Variants in TMEM132C observed in about 807,000 individuals in gnomAD.
TMEM132C encodes the protein protein phosphatase 1, regulatory subunit 152.
In TMEM132C, 29 loss-of-function variants were observed where a neutral mutation model predicts 61.4. That is an observed-to-expected ratio of 0.47 (90% CI 0.35 to 0.64). The LOEUF is 0.64. Ranked by LOEUF, TMEM132C falls within the 30% of genes least tolerant of loss-of-function variation. The pLI, the probability that TMEM132C is intolerant of heterozygous loss-of-function variation, is 0.00. For synonymous variants in TMEM132C, 656 were observed against 633.1 expected, an observed-to-expected ratio of 1.04 and a Z score of -0.54; for missense variants, 1,408 against 1,476.9, an observed-to-expected ratio of 0.95 and a Z score of 0.76.
chr12:128,667,465 A>G (rs1039743203), intron 4 of TMEM132C, among the ~76,000 whole-genome samples: 1 of 152,190 alleles, frequency 6.6e-6, no homozygotes, highest in Admixed American at 6.5e-5. Flanking sequence ...CAGGAATCCC[A>G]CGGACCCAGG....
At chr12:128,308,551 A>T (rs1307813012) in intron 1 of TMEM132C, among the ~76,000 whole-genome samples, 1 of 152,120 alleles carries the variant, frequency 6.6e-6, no homozygotes, top group Non-Finnish European at 1.5e-5. Context: ...GAGTGAATGG[A>T]GGAATGTTTG....
intron 1 of TMEM132C, among the ~76,000 whole-genome samples, chr12:128,327,711 A>G (rs117737894): frequency 0.014 from 2,074 of 152,150 alleles, 27 homozygotes; most frequent in Non-Finnish European, 0.023. Flanking sequence ...TTTTAGAGAG[A>G]TAGAAGGCAT....
At chr12:128,419,785 A>G (rs965705413) in intron 2 of TMEM132C, among the ~76,000 whole-genome samples, 78 of 152,190 alleles carry the variant, frequency 5.1e-4, no homozygotes, top group African/African-American at 1.8e-3. Flanking sequence ...TATTGACTCA[A>G]TTAATGTGTA....
Position 128,378,139 on chromosome 12 carries a change from G to C in TMEM132C, c.86-36593G>C, listed in dbSNP as rs562754574. On this transcript the variant is annotated intron_variant, in intron 1 of 8. Transcript: ENST00000435159. Reference sequence around the variant, plus strand: ...TTTTTGTTTTTTTTTTTTTGACATGGAGTCTCGCTCTGTCGCCCAGGCTGG... The same window carrying C: ...TTTTTGTTTTTTTTTTTTTGACATGCAGTCTCGCTCTGTCGCCCAGGCTGG... Among the ~76,000 whole-genome samples the C allele has an allele frequency of 4.9e-4, 74 of 150,278 alleles. 1 individual carries two copies. The highest frequency in any genetic ancestry group is 1.6e-3 in the Admixed American group (24 of 15,084).
At chr12:128,664,872 T>C (rs569736226) in intron 4 of TMEM132C, among the ~76,000 whole-genome samples, 180 of 152,332 alleles carry the variant, frequency 1.2e-3, no homozygotes, top group African/African-American at 4.1e-3. Context: ...GGCATATTGC[T>C]GTGAATTGGC....
chr12:128,439,644 A>G (rs942632384), intron 2 of TMEM132C, among the ~76,000 whole-genome samples: 2 of 152,196 alleles, frequency 1.3e-5, no homozygotes, highest in Admixed American at 1.3e-4. Flanking sequence ...GCAATGATTC[A>G]GCTGCCAGCT....
At chr12:128,549,063 G>A (rs1874062270) in intron 3 of TMEM132C, among the ~76,000 whole-genome samples, 1 of 152,162 alleles carries the variant, frequency 6.6e-6, no homozygotes, top group Non-Finnish European at 1.5e-5. Flanking sequence ...AGGGCTGTAG[G>A]TCAAGGGCAG....
intron 1 of TMEM132C, chr12:128,400,263 C>T (rs1287153417): frequency 6.6e-6 from 1 of 152,240 alleles, no homozygotes; most frequent in Non-Finnish European, 1.5e-5. Flanking sequence ...TCACTGTGCC[C>T]ACCCGTGGCT....
chr12:128,681,556 C>T (rs555104411), intron 5 of TMEM132C, among the ~76,000 whole-genome samples: 2 of 152,118 alleles, frequency 1.3e-5, no homozygotes, highest in South Asian at 2.1e-4. Context: ...ATGTTATTTC[C>T]GACTTTCCAT....
At chr12:128,369,960 G>A (rs910943489) in intron 1 of TMEM132C, among the ~76,000 whole-genome samples, 1 of 152,214 alleles carries the variant, frequency 6.6e-6, no homozygotes, top group East Asian at 1.9e-4. Context: ...ATTAGTATGG[G>A]TTTAAAAGCA....
At chr12:128,653,294 T>C (rs1179104029) in intron 4 of TMEM132C, among the ~76,000 whole-genome samples, 1 of 152,146 alleles carries the variant, frequency 6.6e-6, no homozygotes, top group East Asian at 1.9e-4. Context: ...TGCCTGCTAA[T>C]GGGATTAGAG....
intron 1 of TMEM132C, among the ~76,000 whole-genome samples, chr12:128,316,216 G>C (rs1265921307): frequency 6.6e-6 from 1 of 152,156 alleles, no homozygotes; most frequent in Non-Finnish European, 1.5e-5. Flanking sequence ...TAGACTCTCT[G>C]TTCTAACAGG....
chr12:128,667,026 C>T (rs1954484645), intron 4 of TMEM132C, among the ~76,000 whole-genome samples: 2 of 152,138 alleles, frequency 1.3e-5, no homozygotes, highest in Admixed American at 6.5e-5. Context: ...GCCGAGGTCG[C>T]GCCACTGCAC....
chr12:128,445,825 A>G (rs2136052258), intron 2 of TMEM132C, among the ~76,000 whole-genome samples: 1 of 152,142 alleles, frequency 6.6e-6, no homozygotes, highest in East Asian at 1.9e-4. Flanking sequence ...ACCCCTGGGG[A>G]CTTCACGCTG....
At chr12:128,363,376 T>G (rs551416201) in intron 1 of TMEM132C, among the ~76,000 whole-genome samples, 1 of 152,326 alleles carries the variant, frequency 6.6e-6, no homozygotes, top group African/African-American at 2.4e-5. Context: ...CTTTTCAATT[T>G]CCAGGGATAA....
intron 1 of TMEM132C, among the ~76,000 whole-genome samples, chr12:128,315,895 C>G (rs1872135953): frequency 6.6e-6 from 1 of 151,870 alleles, no homozygotes; most frequent in South Asian, 2.1e-4. Flanking sequence ...CCATCCGAAG[C>G]CAGGAGAACG....
At chr12:128,357,198 G>A (rs1873534913) in intron 1 of TMEM132C, among the ~76,000 whole-genome samples, 1 of 152,074 alleles carries the variant, frequency 6.6e-6, no homozygotes. Context: ...TCAGACCTGT[G>A]GCCCACCAAA....
intron 2 of TMEM132C, among the ~76,000 whole-genome samples, chr12:128,458,104 T>C (rs890113089): frequency 6.6e-6 from 1 of 151,544 alleles, no homozygotes; most frequent in Non-Finnish European, 1.5e-5. Flanking sequence ...TCGTACACAA[T>C]AGGGAGATAT....
intron 1 of TMEM132C, among the ~76,000 whole-genome samples, chr12:128,336,206 A>C (rs1565904771): frequency 1.3e-5 from 2 of 152,064 alleles, no homozygotes; most frequent in Admixed American, 1.3e-4. Context: ...ATTCTTCTTG[A>C]GTTTGTTCAT....
Sources: allele counts gnomAD v4.1 joint callset (sites outside exome capture counted in the v4.1 genomes callset), GRCh38; gene constraint gnomAD v4.1.1; transcripts MANE v1.5; gene names NCBI Gene and HGNC (gene_info 2026-07-23, HGNC 2026-07-21).